CELF2: variants seen among roughly 807,000 people sequenced by gnomAD.
CELF2 encodes the protein CUG triplet repeat RNA-binding protein 2.
A neutral mutation model predicts 62.6 loss-of-function variants in CELF2; 8 were observed. That is an observed-to-expected ratio of 0.13 (90% CI 0.07 to 0.23). CELF2 has a LOEUF of 0.23. Ranked by LOEUF, CELF2 falls within the 10% of genes least tolerant of loss-of-function variation. The pLI, the probability that CELF2 is intolerant of heterozygous loss-of-function variation, is 1.00. For synonymous variants in CELF2, 258 were observed against 250.0 expected (o/e 1.03, Z -0.30); for missense variants, 333 against 671.0 (o/e 0.50, Z 5.56).
chr10:10,824,563 G>A (rs1418119182), intron 1 of CELF2, among the ~76,000 whole-genome samples: 1 of 152,134 alleles, frequency 6.6e-6, no homozygotes, highest in Non-Finnish European at 1.5e-5. Context: ...CATGGCTCTT[G>A]GATAATAGTT....
At chr10:10,733,516 G>A in the CELF2 span, among the ~76,000 whole-genome samples, 8 of 152,056 alleles carry the variant, frequency 5.3e-5, no homozygotes, top group East Asian at 1.5e-3. Context: ...CATGGGGCCT[G>A]TATTAGTGTG....
At chr10:10,890,828 A>G (rs775140868) in intron 1 of CELF2, among the ~76,000 whole-genome samples, 3 of 152,228 alleles carry the variant, frequency 2.0e-5, no homozygotes, top group Non-Finnish European at 4.4e-5. Context: ...CAGCCTGACC[A>G]ACATGGTAAA....
At chr10:10,506,605 C>T in the CELF2 span, among the ~76,000 whole-genome samples, 29 of 149,792 alleles carry the variant, frequency 1.9e-4, no homozygotes, top group African/African-American at 6.9e-4. Context: ...AGTTATAATC[C>T]TGGACTCTGG....
At chr10:10,762,246 A>C in the CELF2 span, among the ~76,000 whole-genome samples, 2 of 152,100 alleles carry the variant, frequency 1.3e-5, no homozygotes, top group African/African-American at 4.8e-5. Flanking sequence ...AGACTTTGGC[A>C]GGAGAAGAGT....
intron 2 of CELF2, among the ~76,000 whole-genome samples, chr10:10,977,245 G>A (rs1432204294): frequency 1.3e-5 from 2 of 152,188 alleles, no homozygotes; most frequent in Non-Finnish European, 2.9e-5. Flanking sequence ...AAGTCATTTT[G>A]TTATTCCAAG....
chr10:10,911,026 C>G (rs1207613638), intron 1 of CELF2, among the ~76,000 whole-genome samples: 1 of 152,178 alleles, frequency 6.6e-6, no homozygotes, highest in Non-Finnish European at 1.5e-5. Context: ...AACATGCAAA[C>G]CCAAGCCTGC....
At chr10:11,167,438 A>G (rs2067546877) in intron 2 of CELF2, among the ~76,000 whole-genome samples, 1 of 152,252 alleles carries the variant, frequency 6.6e-6, no homozygotes, top group Non-Finnish European at 1.5e-5. Flanking sequence ...CATTTTTAAA[A>G]GTTACCTTTG....
At chr10:11,094,342 C>A (rs898966250) in intron 1 of CELF2, among the ~76,000 whole-genome samples, 1 of 152,106 alleles carries the variant, frequency 6.6e-6, no homozygotes, top group Non-Finnish European at 1.5e-5. Flanking sequence ...CCAAATTAGC[C>A]GTGGTTATAG....
intron 1 of CELF2, among the ~76,000 whole-genome samples, chr10:10,913,932 GGA>G (rs1187193828): frequency 1.4e-5 from 2 of 147,372 alleles, no homozygotes; most frequent in African/African-American, 5.0e-5. Flanking sequence ...GGAAGGAAAG[GGA>G]AGGAAGAGAG....
intron 1 of CELF2, among the ~76,000 whole-genome samples, chr10:11,137,210 T>A (rs913838921): frequency 1.4e-4 from 21 of 152,228 alleles, no homozygotes; most frequent in South Asian, 6.2e-4. Context: ...TGTTAGAGAT[T>A]GCTGTAGGTT....
At chr10:10,905,582 TAAAAA>T (rs11386664) in intron 1 of CELF2, among the ~76,000 whole-genome samples, 2 of 143,872 alleles carry the variant, frequency 1.4e-5, no homozygotes, top group Non-Finnish European at 3.0e-5. Context: ...CATCTCTACT[TAAAAA>T]AAAAAAAAGG....
intron 1 of CELF2, among the ~76,000 whole-genome samples, chr10:11,152,582 G>T (rs2063543233): frequency 6.6e-6 from 1 of 152,160 alleles, no homozygotes; most frequent in Non-Finnish European, 1.5e-5. Context: ...TTTTCACTCA[G>T]AATCCTAAAG....
At chr10:11,158,445 C>T (rs1308790948) in intron 1 of CELF2, among the ~76,000 whole-genome samples, 1 of 152,092 alleles carries the variant, frequency 6.6e-6, no homozygotes, top group East Asian at 1.9e-4. Context: ...ACACCTACCT[C>T]TCCCTGTGCA....
intron 1 of CELF2, among the ~76,000 whole-genome samples, chr10:11,072,102 G>T (rs1261855201): frequency 6.6e-6 from 1 of 152,186 alleles, no homozygotes; most frequent in African/African-American, 2.4e-5. Flanking sequence ...CACATTCCAG[G>T]TGAAACAGAG....
At chr10:10,635,360 C>G in the CELF2 span, among the ~76,000 whole-genome samples, 1 of 152,156 alleles carries the variant, frequency 6.6e-6, no homozygotes, top group East Asian at 1.9e-4. Context: ...ATAAATTGTT[C>G]CAAGCCCACT....
At chr10:11,199,831 C>G (rs1335309521) in intron 2 of CELF2, among the ~76,000 whole-genome samples, 1 of 152,134 alleles carries the variant, frequency 6.6e-6, no homozygotes, top group East Asian at 1.9e-4. Context: ...GTGATGAAGA[C>G]TAATAAGATA....
upstream of CELF2, among the ~76,000 whole-genome samples, chr10:10,794,455 C>T (rs1161548731): frequency 6.6e-6 from 1 of 151,832 alleles, no homozygotes; most frequent in Non-Finnish European, 1.5e-5. Context: ...AAAACAATAA[C>T]AAAAACAAAA....
intron 3 of CELF2, among the ~76,000 whole-genome samples, chr10:11,236,917 G>A (rs1350971118): frequency 6.6e-6 from 1 of 152,146 alleles, no homozygotes; most frequent in African/African-American, 2.4e-5. Context: ...GGAATAATGC[G>A]AAATAGGCCT....
intron 2 of CELF2, among the ~76,000 whole-genome samples, chr10:10,933,568 A>G (rs2066318738): frequency 6.6e-6 from 1 of 152,100 alleles, no homozygotes; most frequent in Admixed American, 6.6e-5. Context: ...CTTTATACCC[A>G]TTGACCTTCT....
Sources: gnomAD v4.1 joint callset for allele counts (sites outside exome capture counted in the v4.1 genomes callset) on GRCh38, gnomAD v4.1.1 for gene constraint, MANE v1.5 for transcripts, NCBI Gene and HGNC (gene_info 2026-07-23, HGNC 2026-07-21) for gene names.